Variants in RASSF8 observed in about 807,000 individuals in gnomAD.
RASSF8 encodes the protein ras association domain-containing protein 8.
Under a neutral mutation model 48.5 loss-of-function variants are expected in RASSF8, and 22 were observed. That is an observed-to-expected ratio of 0.45 (90% CI 0.32 to 0.65). The LOEUF is 0.65. Ranked by LOEUF, RASSF8 falls within the 30% of genes least tolerant of loss-of-function variation. The probability of loss-of-function intolerance (pLI) is 0.03; values close to 1 mark genes in which losing one functional copy is unlikely to be tolerated. For synonymous variants in RASSF8, 127 were observed against 171.5 expected (o/e 0.74, Z 2.03); for missense variants, 418 against 489.2 (o/e 0.85, Z 1.37).
chr12:26,003,233 T>C (rs530663372), intron 2 of RASSF8, among the ~76,000 whole-genome samples: 40 of 152,354 alleles, frequency 2.6e-4, no homozygotes, highest in African/African-American at 8.9e-4. Context: ...TATCCTTGAT[T>C]TTGTTTAGGT....
At chr12:26,049,523 C>A (rs549134310) in intron 2 of RASSF8, among the ~76,000 whole-genome samples, 122 of 152,280 alleles carry the variant, frequency 8.0e-4, no homozygotes, top group African/African-American at 2.9e-3. Flanking sequence ...ATTGTACTCC[C>A]AAAAGATTTC....
chr12:26,025,027 TA>T (rs896951508), intron 2 of RASSF8, among the ~76,000 whole-genome samples: 4 of 151,876 alleles, frequency 2.6e-5, no homozygotes, highest in African/African-American at 9.7e-5. Flanking sequence ...ATTATTTCAA[TA>T]AAAAAAGCAT....
intron 1 of RASSF8, among the ~76,000 whole-genome samples, chr12:25,976,958 T>A (rs1941621679): frequency 2.0e-5 from 3 of 152,176 alleles, no homozygotes; most frequent in African/African-American, 7.2e-5. Flanking sequence ...GGTCCACAGT[T>A]TATCCCCTCA....
chr12:26,059,911 T>C (rs1275630323), intron 3 of RASSF8, among the ~76,000 whole-genome samples: 1 of 152,174 alleles, frequency 6.6e-6, no homozygotes, highest in Non-Finnish European at 1.5e-5. Context: ...TGTAACTGTT[T>C]TTTTGAGACG....
chr12:26,005,998 C>T (rs754156357), intron 2 of RASSF8, among the ~76,000 whole-genome samples: 3 of 152,134 alleles, frequency 2.0e-5, no homozygotes, highest in Non-Finnish European at 2.9e-5. Flanking sequence ...AAGCTTTAAA[C>T]GTTAAACCTT....
At position 26,010,957 on chromosome 12, in the gene RASSF8, G is replaced by T. The variant is rs578041778; in HGVS notation, c.-109+15827G>T. On this transcript the variant is annotated intron_variant, in intron 2 of 5. Coordinates refer to ENST00000689635, the MANE Select transcript of RASSF8 (RefSeq NM_001394098.1). ...CCTTGTCGTTTTTAAGTGTTGTAAG[G>T]GCCCTCATACCACTTTATCTTTCCT... 1.1e-4 allele frequency among the ~76,000 whole-genome samples: 17 copies of T among 152,196 alleles called. No homozygotes were observed. In the South Asian group the frequency reaches 3.5e-3, roughly 32 times the overall value.
At chr12:26,015,698 T>G (rs912921583) in intron 2 of RASSF8, among the ~76,000 whole-genome samples, 1 of 152,196 alleles carries the variant, frequency 6.6e-6, no homozygotes, top group African/African-American at 2.4e-5. Flanking sequence ...AAGAAAACAA[T>G]ACCTAAAGTT....
At chr12:26,055,514 A>T (rs1943582990) in intron 3 of RASSF8, 68 bp downstream of exon 3, 1 of 1,299,308 alleles carries the variant, frequency 7.7e-7, no homozygotes, top group African/African-American at 1.5e-5. Context: ...TGTTTGTTTT[A>T]AATATAGATT....
chr12:26,002,109 G>A (rs146689028), intron 2 of RASSF8, among the ~76,000 whole-genome samples: 3 of 152,346 alleles, frequency 2.0e-5, no homozygotes, highest in African/African-American at 7.2e-5. Flanking sequence ...GAGCATGACT[G>A]TATGACATAG....
intron 4 of RASSF8, 60 bp from the exon 5 acceptor site, chr12:26,067,509 A>T (rs1490420426): frequency 2.7e-6 from 4 of 1,474,740 alleles, no homozygotes; most frequent in Non-Finnish European, 3.7e-6. Context: ...CCTCACAAAG[A>T]TGTCTTGCAC....
chr12:25,973,006 G>A (rs1245545647), intron 1 of RASSF8, among the ~76,000 whole-genome samples: 2 of 151,960 alleles, frequency 1.3e-5, no homozygotes, highest in African/African-American at 2.4e-5. Flanking sequence ...TTCATATTGC[G>A]TATAACTGTA....
chr12:26,003,315 T>C (rs546643779), intron 2 of RASSF8, among the ~76,000 whole-genome samples: 241 of 152,354 alleles, frequency 1.6e-3, no homozygotes, highest in African/African-American at 5.7e-3. Flanking sequence ...CATTTGATCA[T>C]AATGGATTAT....
chr12:25,961,938 C>A (rs1249462102), intron 1 of RASSF8, among the ~76,000 whole-genome samples: 1 of 152,116 alleles, frequency 6.6e-6, no homozygotes, highest in Non-Finnish European at 1.5e-5. Context: ...GATTTTCAGT[C>A]CCCACTATTC....
At chr12:26,052,950 A>C (rs1044940902) in intron 2 of RASSF8, 3 of 152,196 alleles carry the variant, frequency 2.0e-5, no homozygotes, top group Admixed American at 6.5e-5. Context: ...GGAATATAAA[A>C]CGTCTGTGAG....
At chr12:26,003,247 G>A (rs1313293515) in intron 2 of RASSF8, among the ~76,000 whole-genome samples, 1 of 152,180 alleles carries the variant, frequency 6.6e-6, no homozygotes, top group African/African-American at 2.4e-5. Flanking sequence ...TTTAGGTGAT[G>A]TATCACATTT....
chr12:25,999,104 A>G (rs1477149820), intron 2 of RASSF8, among the ~76,000 whole-genome samples: 5 of 152,192 alleles, frequency 3.3e-5, no homozygotes, highest in African/African-American at 1.2e-4. Context: ...ATGACACAGC[A>G]GTATGGTAGG....
intron 2 of RASSF8, among the ~76,000 whole-genome samples, chr12:26,050,895 T>A (rs2137214089): frequency 6.6e-6 from 1 of 152,338 alleles, no homozygotes; most frequent in East Asian, 1.9e-4. Flanking sequence ...TTTCTTTGTT[T>A]TGAAATGGCA....
intron 1 of RASSF8, among the ~76,000 whole-genome samples, chr12:25,969,124 C>T (rs907357046): frequency 6.6e-6 from 1 of 152,160 alleles, no homozygotes; most frequent in East Asian, 1.9e-4. Flanking sequence ...GGTCCCTATA[C>T]CTTAGGCCTT....
At chr12:26,015,055 A>G (rs751848318) in intron 2 of RASSF8, among the ~76,000 whole-genome samples, 5 of 151,766 alleles carry the variant, frequency 3.3e-5, no homozygotes, top group Non-Finnish European at 5.9e-5. Context: ...AAAAAAAAAT[A>G]GAAATTAGCC....
Sources: allele counts gnomAD v4.1 joint callset (sites outside exome capture counted in the v4.1 genomes callset), GRCh38; gene constraint gnomAD v4.1.1; transcripts MANE v1.5; gene names NCBI Gene and HGNC (gene_info 2026-07-23, HGNC 2026-07-21).